LRRC4C: variants seen among roughly 807,000 people sequenced by gnomAD.
LRRC4C encodes the protein leucine-rich repeat-containing protein 4C.
In LRRC4C, 5 loss-of-function variants were observed where a neutral mutation model predicts 33.6. The observed-to-expected ratio is 0.15, with a 90% CI of 0.08 to 0.31. The LOEUF is 0.31. Among genes scored for constraint, LRRC4C ranks in the 10% least tolerant of loss-of-function variants. The pLI is 1.00. For missense variants in LRRC4C, 560 were observed against 796.7 expected, an observed-to-expected ratio of 0.70 and a Z score of 3.58; for synonymous variants, 329 against 302.0, an observed-to-expected ratio of 1.09 and a Z score of -0.93.
intron 1 of LRRC4C, among the ~76,000 whole-genome samples, chr11:41,424,542 G>A (rs1954974030): frequency 6.6e-6 from 1 of 152,074 alleles, no homozygotes; most frequent in Non-Finnish European, 1.5e-5. Flanking sequence ...GCTAAATTGG[G>A]GGTTGAGGGT....
Position 40,411,565 on chromosome 11 carries a change from G to C in LRRC4C, c.-269-91844C>G, listed in dbSNP as rs145193834. 1.2e-3 allele frequency among the ~76,000 whole-genome samples: 183 copies of C among 152,146 alleles called. 4 individuals are homozygous for C. In the East Asian group the frequency reaches 0.029, roughly 24 times the overall value. On this transcript the variant is annotated intron_variant, in intron 3 of 6. Transcript: ENST00000528697. ...CCTAACTGTTTCTACATCAGATCCAGAGTGCTGAATGGATAGTGTGGAGTA... is the reference window on the plus strand; with the variant it reads ...CCTAACTGTTTCTACATCAGATCCACAGTGCTGAATGGATAGTGTGGAGTA...
chr11:40,154,690 T>C (rs1858531093), intron 5 of LRRC4C, among the ~76,000 whole-genome samples: 1 of 152,088 alleles, frequency 6.6e-6, no homozygotes, highest in African/African-American at 2.4e-5. Flanking sequence ...ACACTGGAAC[T>C]CCCAAATTTA....
intron 1 of LRRC4C, among the ~76,000 whole-genome samples, chr11:41,366,318 G>A (rs1952543592): frequency 6.6e-6 from 1 of 151,750 alleles, no homozygotes; most frequent in South Asian, 2.1e-4. Flanking sequence ...GTAGATATTT[G>A]GTTATCAACT....
chr11:41,114,400 G>GCTACCTTACTTGATATATAA (rs1942009330), intron 1 of LRRC4C, among the ~76,000 whole-genome samples: 1 of 151,980 alleles, frequency 6.6e-6, no homozygotes, highest in African/African-American at 2.4e-5. Flanking sequence ...TTAGTATATA[G>GCTACCTTACTTGATATATAA]CTACCTTACT....
intron 1 of LRRC4C, among the ~76,000 whole-genome samples, chr11:41,175,486 GTGATCAGAT>G (rs1945158923): frequency 6.6e-6 from 1 of 152,056 alleles, no homozygotes; most frequent in African/African-American, 2.4e-5. Flanking sequence ...TGGAACTTCA[GTGATCAGAT>G]CACTGAATCC....
intron 2 of LRRC4C, among the ~76,000 whole-genome samples, chr11:40,887,174 A>C (rs1955506432): frequency 6.7e-6 from 1 of 149,662 alleles, no homozygotes; most frequent in African/African-American, 2.5e-5. Context: ...TGATGAGAAA[A>C]CCTCCTTTAC....
chr11:40,846,055 T>C (rs1306133858), intron 2 of LRRC4C, among the ~76,000 whole-genome samples: 2 of 151,598 alleles, frequency 1.3e-5, no homozygotes, highest in African/African-American at 2.4e-5. Flanking sequence ...TTTGTTTGAG[T>C]TCCTTGTGGA....
chr11:40,540,879 C>G (rs989715404), intron 3 of LRRC4C, among the ~76,000 whole-genome samples: 1 of 152,100 alleles, frequency 6.6e-6, no homozygotes, highest in Non-Finnish European at 1.5e-5. Flanking sequence ...CTAGAAGCCA[C>G]GTATTAAATT....
At chr11:40,251,684 A>G (rs773627652) in intron 4 of LRRC4C, among the ~76,000 whole-genome samples, 6 of 152,220 alleles carry the variant, frequency 3.9e-5, no homozygotes, top group Admixed American at 2.6e-4. Flanking sequence ...GAAGTAAAGG[A>G]TCTTCTCTCT....
intron 1 of LRRC4C, among the ~76,000 whole-genome samples, chr11:40,964,617 G>A (rs529917729): frequency 6.7e-5 from 10 of 148,698 alleles, no homozygotes; most frequent in African/African-American, 1.2e-4. Context: ...GAGAATATGC[G>A]GTGTTTGGTT....
intron 3 of LRRC4C, among the ~76,000 whole-genome samples, chr11:40,554,701 T>G (rs946749488): frequency 6.6e-6 from 1 of 151,832 alleles, no homozygotes; most frequent in South Asian, 2.1e-4. Flanking sequence ...ATATTCCTAC[T>G]TTTTGTGTAT....
chr11:40,292,888 AT>A (rs1944288841), intron 4 of LRRC4C: 2 of 151,396 alleles, frequency 1.3e-5, no homozygotes, highest in Non-Finnish European at 2.9e-5. Context: ...TGCATCCTTC[AT>A]TTTTGCAAGG....
At chr11:40,383,207 G>A (rs1389182133) in intron 3 of LRRC4C, among the ~76,000 whole-genome samples, 2 of 151,042 alleles carry the variant, frequency 1.3e-5, no homozygotes, top group Non-Finnish European at 3.0e-5. Flanking sequence ...CTTTTTTAAA[G>A]GCTGAATAAT....
chr11:40,779,115 G>A (rs1950121478), intron 2 of LRRC4C, among the ~76,000 whole-genome samples: 1 of 152,076 alleles, frequency 6.6e-6, no homozygotes, highest in Non-Finnish European at 1.5e-5. Context: ...CAGAACCAGA[G>A]TAGTAGTAGT....
At chr11:40,839,011 C>A (rs1952801125) in intron 2 of LRRC4C, among the ~76,000 whole-genome samples, 1 of 151,978 alleles carries the variant, frequency 6.6e-6, no homozygotes. Context: ...AATAATATTT[C>A]CTGAAAAAAG....
At chr11:41,303,156 T>C (rs1382900262) in intron 1 of LRRC4C, among the ~76,000 whole-genome samples, 2 of 134,308 alleles carry the variant, frequency 1.5e-5, no homozygotes, top group Non-Finnish European at 3.2e-5. Context: ...GAGCCGAAGC[T>C]GGACTGTACT....
At chr11:40,181,801 C>A (rs952933317) in intron 5 of LRRC4C, among the ~76,000 whole-genome samples, 1 of 152,162 alleles carries the variant, frequency 6.6e-6, no homozygotes, top group Non-Finnish European at 1.5e-5. Context: ...AAAAGAGAGA[C>A]AAGGGAAATG....
chr11:40,478,513 T>C (rs1185751579), intron 3 of LRRC4C, among the ~76,000 whole-genome samples: 1 of 152,158 alleles, frequency 6.6e-6, no homozygotes, highest in Non-Finnish European at 1.5e-5. Flanking sequence ...GCTGGTGAGA[T>C]TGCAAGTTAA....
At chr11:40,282,889 T>G (rs1017113636) in intron 4 of LRRC4C, among the ~76,000 whole-genome samples, 1 of 152,250 alleles carries the variant, frequency 6.6e-6, no homozygotes, top group Non-Finnish European at 1.5e-5. Flanking sequence ...CAAAAACGAT[T>G]GCAGCTCATG....
Sources: allele counts gnomAD v4.1 joint callset (sites outside exome capture counted in the v4.1 genomes callset), GRCh38; gene constraint gnomAD v4.1.1; transcripts MANE v1.5; gene names NCBI Gene and HGNC (gene_info 2026-07-23, HGNC 2026-07-21).